The following TXNDC12 variants were observed in gnomAD, a reference collection of about 807,000 sequenced individuals.
TXNDC12 encodes the protein thioredoxin domain-containing protein 12.
Under a neutral mutation model 24.2 loss-of-function variants are expected in TXNDC12, and 22 were observed. The observed-to-expected ratio is 0.91, with a 90% CI of 0.65 to 1.30. The LOEUF (loss-of-function observed/expected upper bound fraction) is 1.30, where lower values mean the gene tolerates loss of function less well. Among genes scored for constraint, TXNDC12 ranks in the 50% most tolerant of loss-of-function variants. The probability of loss-of-function intolerance (pLI) is 0.00; values close to 1 mark genes in which losing one functional copy is unlikely to be tolerated. For synonymous variants in TXNDC12, 58 were observed against 73.4 expected, an observed-to-expected ratio of 0.79 and a Z score of 1.07; for missense variants, 184 against 205.8, an observed-to-expected ratio of 0.89 and a Z score of 0.65.
chr1:52,032,564 T>C, intron 2 of TXNDC12: 2 of 1,412,142 alleles, frequency 1.4e-6, no homozygotes, highest in Middle Eastern at 5.2e-4. Context: ...GCAGGAAAGT[T>C]TGAGTGAATC....
At chr1:52,055,690 A>C (rs951279885), upstream of TXNDC12, 1 of 152,518 alleles carries the variant, frequency 6.6e-6, no homozygotes, top group African/African-American at 2.4e-5. Context: ...CCGTGCAGAC[A>C]TGCACTTTCC....
In TXNDC12 at chr1:52,055,119, G is replaced by A. The variant is rs574687517; in HGVS notation, c.-23C>T. The A allele has an allele frequency of 6.3e-7, 1 of 1,578,238 alleles. No individual in the cohort carries two copies. The highest frequency in any genetic ancestry group is 1.3e-5 in the African/African-American group (1 of 74,312). On this transcript the variant is annotated 5_prime_UTR_variant, in exon 1 of 7. Transcript: ENST00000371626. ...CATGGCAGTAGGTGCGCGGGGCCAC[G>A]GGGCTGAGCGGACGCAGGGCCGGAG...
intron 2 of TXNDC12, among the ~76,000 whole-genome samples, chr1:52,038,659 T>G (rs573249747): frequency 6.6e-6 from 1 of 152,306 alleles, no homozygotes; most frequent in South Asian, 2.1e-4. Flanking sequence ...CAAACCATCA[T>G]TTGTTGTCAT....
intron 1 of TXNDC12, among the ~76,000 whole-genome samples, chr1:52,054,228 AG>A (rs35133613): frequency 6.6e-6 from 1 of 151,806 alleles, no homozygotes; most frequent in Non-Finnish European, 1.5e-5. Context: ...AAAAAAAAAA[AG>A]GAAGAGGGGT....
At chr1:52,023,377 A>T in intron 6 of TXNDC12, 114 bp downstream of exon 6, 1 of 790,080 alleles carries the variant, frequency 1.3e-6, no homozygotes, top group East Asian at 2.7e-5. Context: ...AGCTATAGAC[A>T]TGCAGGAGAT....
At chr1:52,048,864 T>A (rs896058411) in intron 1 of TXNDC12, among the ~76,000 whole-genome samples, 8 of 150,508 alleles carry the variant, frequency 5.3e-5, no homozygotes, top group African/African-American at 1.5e-4. Flanking sequence ...CTCAAAAAAA[T>A]AATAATTAAT....
chr1:52,043,017 C>A (rs1223696626), intron 1 of TXNDC12, among the ~76,000 whole-genome samples: 1 of 152,184 alleles, frequency 6.6e-6, no homozygotes, highest in Non-Finnish European at 1.5e-5. Context: ...GCCTCCTCAG[C>A]CTTCCAAAGT....
Position 52,051,255 on chromosome 1 carries a change from G to A in TXNDC12, c.97+3745C>T, listed in dbSNP as rs563435590. On this transcript the variant is annotated intron_variant, in intron 1 of 6. Transcript: ENST00000371626. ...TAATTATTTTGGAACTCTATAGAAC[G>A]TTAGAGCTGGAAGAGATCTTAGGAA... Among the ~76,000 whole-genome samples, 3 of 152,326 alleles carry A rather than the reference G, an allele frequency of 2.0e-5. No homozygotes were observed. In the South Asian group the frequency reaches 6.2e-4, roughly 32 times the overall value.
At chr1:52,038,397 G>A (rs1217079175) in intron 2 of TXNDC12, among the ~76,000 whole-genome samples, 7 of 149,462 alleles carry the variant, frequency 4.7e-5, no homozygotes, top group East Asian at 2.0e-4. Flanking sequence ...TGCAACCTCC[G>A]CCTCCCAGGC....
At position 52,028,570 on chromosome 1, in the gene TXNDC12, G is replaced by A. The variant is rs1197645130; in HGVS notation, c.211+8C>T. On this transcript the variant is annotated splice_region_variant and intron_variant, in intron 3 of 6. Transcript: ENST00000371626. ...AGTTTTGAATTTAGATTGAGCATTTGCACTTACCTTTGCAAGCTCCACACC... is the reference window on the plus strand; with the variant it reads ...AGTTTTGAATTTAGATTGAGCATTTACACTTACCTTTGCAAGCTCCACACC... The A allele has an allele frequency of 1.2e-6, 2 of 1,610,118 alleles. No individual in the cohort carries two copies. The highest frequency in any genetic ancestry group is 1.7e-6 in the Non-Finnish European group (2 of 1,177,800).
chr1:52,046,594 G>T (rs1054057738), intron 1 of TXNDC12, among the ~76,000 whole-genome samples: 1 of 152,112 alleles, frequency 6.6e-6, no homozygotes, highest in Admixed American at 6.6e-5. Flanking sequence ...AAAAATTTTT[G>T]ACTGGGTGTC....
intron 2 of TXNDC12, among the ~76,000 whole-genome samples, chr1:52,034,612 A>ATTG (rs1685848230): frequency 1.3e-5 from 2 of 151,908 alleles, no homozygotes; most frequent in Admixed American, 1.3e-4. Context: ...TATTATTATT[A>ATTG]TTTATTTTTT....
At chr1:52,047,045 A>T (rs1365847837) in intron 1 of TXNDC12, among the ~76,000 whole-genome samples, 1 of 151,954 alleles carries the variant, frequency 6.6e-6, no homozygotes, top group South Asian at 2.1e-4. Context: ...TCTGTCTCTA[A>T]AAGAAAAGAA....
intron 6 of TXNDC12, chr1:52,023,261 CT>C (rs1354119288): frequency 2.4e-6 from 1 of 411,634 alleles, no homozygotes; most frequent in Non-Finnish European, 4.4e-6. Flanking sequence ...ACCTCAGTCA[CT>C]TGTGTGCCTC....
chr1:52,033,755 G>C lies in TXNDC12; in HGVS notation c.159-5125C>G, dbSNP rs765963025. The C allele has an allele frequency of 6.9e-6, 11 of 1,597,324 alleles. No individual in the cohort carries two copies. In the South Asian group the frequency reaches 9.0e-5, roughly 13 times the overall value. ...TACGGCAGCCCGCAAAACACCACGA[G>C]CGGCATCCTCTCAGGGAGCGACCAT... On this transcript the variant is annotated intron_variant, in intron 2 of 6. Transcript: ENST00000371626.
At chr1:52,039,088 CAAA>C (rs56219938) in intron 2 of TXNDC12, among the ~76,000 whole-genome samples, 1 of 81,704 alleles carries the variant, frequency 1.2e-5, no homozygotes. Context: ...GACACCGTCT[CAAA>C]AAAAAAAAAA....
In TXNDC12 at chr1:52,027,361, A is replaced by C; in HGVS notation, c.212-13T>G. ...TTGGGCTTTAGAGCTGGGGGGAAAAAGATTTTGGAATAGAAGAAAAAACAT... is the reference window on the plus strand; with the variant it reads ...TTGGGCTTTAGAGCTGGGGGGAAAACGATTTTGGAATAGAAGAAAAAACAT... On this transcript the variant is annotated splice_polypyrimidine_tract_variant and intron_variant, in intron 3 of 6. Coordinates refer to ENST00000371626, the MANE Select transcript of TXNDC12 (RefSeq NM_015913.4). 1 of 1,592,320 alleles carries C rather than the reference A, an allele frequency of 6.3e-7. No individual in the cohort carries two copies. Among genetic ancestry groups the C allele is most frequent in the East Asian group, 2.2e-5 (1 of 44,696 alleles).
chr1:52,055,483 C>A (rs1686324970), upstream of TXNDC12: 3 of 218,078 alleles, frequency 1.4e-5, no homozygotes, highest in African/African-American at 6.9e-5. Context: ...CCCCAAGAAC[C>A]GCTGCACTTC....
At chr1:52,024,720 C>T in intron 4 of TXNDC12, 141 bp from the exon 5 acceptor site, 1 of 627,948 alleles carries the variant, frequency 1.6e-6, no homozygotes, top group South Asian at 1.9e-5. Flanking sequence ...ATCACCTAGG[C>T]ACTTCTCTAA....
Sources: allele counts gnomAD v4.1 joint callset (sites outside exome capture counted in the v4.1 genomes callset), GRCh38; gene constraint gnomAD v4.1.1; transcripts MANE v1.5; gene names NCBI Gene and HGNC (gene_info 2026-07-23, HGNC 2026-07-21).